The following LRRFIP1 variants were observed in gnomAD, a reference collection of about 807,000 sequenced individuals.
LRRFIP1 encodes the protein LRR binding FLII interacting protein 1, also known as leucine-rich repeat flightless-interacting protein 1.
LRRFIP1 carries 62 observed loss-of-function variants against 104.4 expected under a neutral mutation model. That is an observed-to-expected ratio of 0.59 (90% confidence interval 0.48 to 0.73). The LOEUF (loss-of-function observed/expected upper bound fraction) is 0.73, where lower values mean the gene tolerates loss of function less well. Ranked by LOEUF, LRRFIP1 falls within the 30% of genes least tolerant of loss-of-function variation. The pLI is 0.00. For synonymous variants in LRRFIP1, 300 were observed against 299.0 expected (o/e 1.00, Z -0.03); for missense variants, 796 against 824.5 (o/e 0.97, Z 0.42).
At position 237,735,080 on chromosome 2, in the gene LRRFIP1, C is replaced by T. The variant is rs1424999208; in HGVS notation, c.490-188C>T. 1.3e-5 allele frequency among the ~76,000 whole-genome samples: 2 copies of T among 152,182 alleles called. No homozygotes were observed. Among genetic ancestry groups the T allele is most frequent in the Admixed American group, 6.5e-5 (1 of 15,280 alleles). ...CTGACAACGACTAAAACCGGTCTCT[C>T]CTCATTTCCTTGTCGCACTCTGCAA... On this transcript the variant is annotated intron_variant, in intron 9 of 23. Transcript: ENST00000308482. The surrounding 1 kb of genome is among the most constrained non-coding windows in gnomAD (Gnocchi z 4.6).
At chr2:237,664,817 G>A (rs781284535) in intron 1 of LRRFIP1, among the ~76,000 whole-genome samples, 7 of 152,198 alleles carry the variant, frequency 4.6e-5, no homozygotes, top group Non-Finnish European at 1.0e-4. Context: ...TGCTAGAAGG[G>A]AAATTGCTGG....
chr2:237,670,783 G>A (rs191564384), intron 1 of LRRFIP1, among the ~76,000 whole-genome samples: 346 of 152,324 alleles, frequency 2.3e-3, no homozygotes, highest in Non-Finnish European at 3.6e-3. Flanking sequence ...CAGTTTCTGC[G>A]TCTAAGCTAG....
intron 1 of LRRFIP1, among the ~76,000 whole-genome samples, chr2:237,660,843 G>A (rs1278678703): frequency 6.6e-6 from 1 of 151,180 alleles, no homozygotes; most frequent in Non-Finnish European, 1.5e-5. Flanking sequence ...GGTGCTACAT[G>A]TCTGTGGCAG....
At chr2:237,767,673 A>G (rs1041293996) in intron 19 of LRRFIP1, among the ~76,000 whole-genome samples, 2 of 152,176 alleles carry the variant, frequency 1.3e-5, no homozygotes, top group African/African-American at 2.4e-5. Context: ...TGAACACTTA[A>G]GTTTCCACTA....
intron 23 of LRRFIP1, among the ~76,000 whole-genome samples, chr2:237,778,438 C>T (rs949188286): frequency 1.3e-5 from 2 of 152,196 alleles, no homozygotes; most frequent in Admixed American, 1.3e-4. Flanking sequence ...GCTTCTGCAG[C>T]TCGTCTTCTG....
chr2:237,663,171 C>T (rs909069438), intron 1 of LRRFIP1, among the ~76,000 whole-genome samples: 2 of 152,180 alleles, frequency 1.3e-5, no homozygotes, highest in African/African-American at 4.8e-5. Flanking sequence ...CACTTTAGGG[C>T]TCGCCTGCCC....
At position 237,766,144 on chromosome 2, in the gene LRRFIP1, C is replaced by A. The variant is rs930340684; in HGVS notation, c.1460-3799C>A. 3.3e-5 allele frequency among the ~76,000 whole-genome samples: 5 copies of A among 152,148 alleles called. No homozygotes were observed. Among genetic ancestry groups the A allele is most frequent in the African/African-American group, 1.2e-4 (5 of 41,422 alleles). ...AACTGAGACGATTGTCACGCACCAT[C>A]CCCTGTGATCTGTGGTTCTGATGTG... On this transcript the variant is annotated intron_variant, in intron 19 of 23. Coordinates refer to ENST00000308482, the MANE Select transcript of LRRFIP1 (RefSeq NM_001137550.2). The surrounding 1 kb of genome is among the most constrained non-coding windows in gnomAD (Gnocchi z 4.8).
chr2:237,708,784 C>T, intron 2 of LRRFIP1, 154 bp downstream of exon 2: 3 of 868,528 alleles, frequency 3.5e-6, no homozygotes, highest in South Asian at 2.9e-5. Flanking sequence ...TGCCCAAGGT[C>T]AGGCCAGGAG....
At chr2:237,685,283 A>G (rs146686949) in intron 1 of LRRFIP1, among the ~76,000 whole-genome samples, 8 of 152,366 alleles carry the variant, frequency 5.3e-5, no homozygotes, top group Non-Finnish European at 1.2e-4. Context: ...AAGCGGATAC[A>G]TTTAGGATTG....
In LRRFIP1 at chr2:237,661,666, C is replaced by T. The variant is rs6727524; in HGVS notation, c.96+33926C>T. ...ATCTGTCCCAGAGCCATGCACGTTC[C>T]GAAAGCACATTCCAGGGGGACAGTT... On this transcript the variant is annotated intron_variant, in intron 1 of 23. Coordinates refer to ENST00000308482, the MANE Select transcript of LRRFIP1 (RefSeq NM_001137550.2). The surrounding 1 kb of genome is among the most constrained non-coding windows in gnomAD (Gnocchi z 4.4). 2.6e-5 allele frequency among the ~76,000 whole-genome samples: 4 copies of T among 152,156 alleles called. No homozygotes were observed. The highest frequency in any genetic ancestry group is 7.2e-5 in the African/African-American group (3 of 41,438).
At chr2:237,731,541 A>AC (rs3835810) in intron 8 of LRRFIP1, among the ~76,000 whole-genome samples, 19,054 of 151,780 alleles carry the variant, frequency 0.13, 2,732 homozygotes, top group African/African-American at 0.36. Flanking sequence ...AGCTGTGAAC[A>AC]CCAAAGCATC....
rs6742076 is a variant in LRRFIP1, at chr2:237,661,620, A to T, written c.96+33880A>T. 0.18 allele frequency among the ~76,000 whole-genome samples: 27,210 copies of T among 152,138 alleles called. 3,962 individuals carry two copies. Among genetic ancestry groups the T allele is most frequent in the African/African-American group, 0.4 (16,658 of 41,468 alleles). ...CCATCCTTGTCCTCACTGTCGATGGAATTTTTCAGTGATACCTAACATCTG... is the reference window on the plus strand; with the variant it reads ...CCATCCTTGTCCTCACTGTCGATGGTATTTTTCAGTGATACCTAACATCTG... On this transcript the variant is annotated intron_variant, in intron 1 of 23. Transcript: ENST00000308482. The surrounding 1 kb of genome is among the most constrained non-coding windows in gnomAD (Gnocchi z 4.4).
intron 20 of LRRFIP1, chr2:237,770,874 T>C (rs1403425653): frequency 6.6e-6 from 1 of 152,176 alleles, no homozygotes; most frequent in South Asian, 2.1e-4. Context: ...ACAACCACTT[T>C]CCTCTAATTT....
chr2:237,781,480 T>C lies in LRRFIP1; in HGVS notation c.*1948T>C, dbSNP rs1236574024. On this transcript the variant is annotated 3_prime_UTR_variant, in exon 24 of 24. Transcript: ENST00000308482. ...TCACAGCCCTGAGAAGATGGCGTTT[T>C]CCCTATCAGTGGCTCTGAGGAAGTC... Among the ~76,000 whole-genome samples, 2 of 152,184 alleles carry C rather than the reference T, an allele frequency of 1.3e-5. No homozygotes were observed. The highest frequency in any genetic ancestry group is 2.4e-5 in the African/African-American group (1 of 41,442).
rs773075749 is a variant in LRRFIP1 at position 237,735,255 on chromosome 2, CTT to C, written c.490-10_490-9del. The C allele has an allele frequency of 1.9e-6, 3 of 1,612,474 alleles. No homozygotes were observed. The highest frequency in any genetic ancestry group is 2.2e-5 in the South Asian group (2 of 90,972). ...GGAAGAGCGCCCATCCTGACAGTCT[CTT>C]TTGGTCGCAGGCGTCTGTGTTGGAT... On this transcript the variant is annotated splice_polypyrimidine_tract_variant and intron_variant, in intron 9 of 23. Transcript: ENST00000308482. The surrounding 1 kb of genome is among the most constrained non-coding windows in gnomAD (Gnocchi z 4.6).
chr2:237,776,590 C>G (rs2061114830), intron 23 of LRRFIP1, among the ~76,000 whole-genome samples: 3 of 152,120 alleles, frequency 2.0e-5, no homozygotes, highest in Admixed American at 2.0e-4. Flanking sequence ...TATGTTGAGG[C>G]TATTGATACT....
intron 23 of LRRFIP1, among the ~76,000 whole-genome samples, chr2:237,775,538 T>A (rs1289170728): frequency 2.6e-5 from 4 of 152,134 alleles, no homozygotes; most frequent in African/African-American, 9.7e-5. Flanking sequence ...TATGTTTCAA[T>A]AGGATCACTC....
chr2:237,749,988 C>T (rs2058380254), intron 13 of LRRFIP1, among the ~76,000 whole-genome samples: 1 of 152,158 alleles, frequency 6.6e-6, no homozygotes, highest in African/African-American at 2.4e-5. Context: ...GGTGACTAGA[C>T]CTGTGTCCTC....
intron 1 of LRRFIP1, among the ~76,000 whole-genome samples, chr2:237,697,300 G>A (rs913087898): frequency 2.6e-5 from 4 of 152,162 alleles, no homozygotes; most frequent in African/African-American, 9.7e-5. Flanking sequence ...TGGGATTACA[G>A]GCATGAGCCA....
Sources: allele counts gnomAD v4.1 joint callset (sites outside exome capture counted in the v4.1 genomes callset), GRCh38; gene constraint gnomAD v4.1.1; non-coding constraint Gnocchi (gnomAD v3.1); transcripts MANE v1.5; gene names NCBI Gene and HGNC (gene_info 2026-07-23, HGNC 2026-07-21).